Variants in PIP4K2A observed in about 807,000 individuals in gnomAD.
PIP4K2A encodes the protein phosphatidylinositol 5-phosphate 4-kinase type-2 alpha.
Under a neutral mutation model 42.9 loss-of-function variants are expected in PIP4K2A, and 14 were observed. The observed-to-expected ratio is 0.33, with a 90% confidence interval of 0.22 to 0.51. The LOEUF (loss-of-function observed/expected upper bound fraction) is 0.51, where lower values mean the gene tolerates loss of function less well. Ranked by LOEUF, PIP4K2A falls within the 20% of genes least tolerant of loss-of-function variation. The pLI, the probability that PIP4K2A is intolerant of heterozygous loss-of-function variation, is 0.97. For missense variants in PIP4K2A, 434 were observed against 519.8 expected (o/e 0.83, Z 1.61); for synonymous variants, 192 against 192.2 (o/e 1.00, Z 0.01).
chr10:22,603,222 C>T (rs1020094942), intron 3 of PIP4K2A, among the ~76,000 whole-genome samples: 5 of 152,086 alleles, frequency 3.3e-5, no homozygotes, highest in South Asian at 4.2e-4. Context: ...TCAGGAGTCA[C>T]AGTAGGGGAA....
chr10:22,539,509 T>C (rs900652624), intron 9 of PIP4K2A: 2 of 156,678 alleles, frequency 1.3e-5, no homozygotes, highest in Non-Finnish European at 1.4e-5. Context: ...GGAAGTGTCT[T>C]AAGCAGACAA....
intron 1 of PIP4K2A, among the ~76,000 whole-genome samples, chr10:22,678,543 G>T (rs1047536999): frequency 3.3e-5 from 5 of 152,088 alleles, no homozygotes; most frequent in Non-Finnish European, 5.9e-5. Flanking sequence ...AAAATAAGCT[G>T]TTGAAAGAGC....
At chr10:22,606,993 T>A (rs1449319271) in intron 3 of PIP4K2A, among the ~76,000 whole-genome samples, 1 of 152,120 alleles carries the variant, frequency 6.6e-6, no homozygotes, top group African/African-American at 2.4e-5. Context: ...ATATTTTAAA[T>A]AATTGTGTAC....
intron 1 of PIP4K2A, among the ~76,000 whole-genome samples, chr10:22,701,431 T>TA (rs2130916509): frequency 6.6e-6 from 1 of 152,296 alleles, no homozygotes; most frequent in Admixed American, 6.5e-5. Flanking sequence ...ACCACATCTA[T>TA]ACCTGGTTAT....
chr10:22,672,148 T>C (rs1839465236), intron 1 of PIP4K2A, among the ~76,000 whole-genome samples: 1 of 152,170 alleles, frequency 6.6e-6, no homozygotes, highest in Non-Finnish European at 1.5e-5. Context: ...AATAGGCAGT[T>C]ATTGTTAAAT....
At chr10:22,583,647 C>A (rs531215532) in intron 4 of PIP4K2A, among the ~76,000 whole-genome samples, 81 of 152,290 alleles carry the variant, frequency 5.3e-4, no homozygotes, top group Non-Finnish European at 1.0e-3. Flanking sequence ...TCCTCTTTTG[C>A]AGAAACAAAA....
Position 22,535,189 on chromosome 10 carries a change from GTA to G in PIP4K2A, c.*2010_*2011del, listed in dbSNP as rs1303590076. 2 of 152,220 alleles carry G rather than the reference GTA, an allele frequency of 1.3e-5. No homozygotes were observed. Among genetic ancestry groups the G allele is most frequent in the Non-Finnish European group, 2.9e-5 (2 of 68,046 alleles). The allele number at this position is 152,220 out of a possible 1,614,324, so 9.4% of individuals were successfully genotyped here. On this transcript the variant is annotated 3_prime_UTR_variant, in exon 10 of 10. Transcript: ENST00000376573. ...CCAAGGAAACAGTTACTCAAATAAT[GTA>G]TGTGTACCTTATCTTTACTTCAGGG...
rs1445496512 is a variant in PIP4K2A at position 22,541,897 on chromosome 10, C to A, written c.943G>T (p.Asp315Tyr). 1 of 1,613,600 alleles carries A rather than the reference C, an allele frequency of 6.2e-7. No individual in the cohort carries two copies. The highest frequency in any genetic ancestry group is 8.5e-7 in the Non-Finnish European group (1 of 1,179,782). The change falls in exon 8 of 10, where the codon GAT (aspartate) becomes TAT (tyrosine). Residue 315 changes from aspartate (D) to tyrosine (Y), a missense_variant. Around this residue, in one of 2 missense-constraint regions of PIP4K2A, gnomAD observed 395 missense variants for 444.5 expected, o/e 0.89. Transcript: ENST00000376573. The stretch of plus-strand genomic sequence containing the variant: ...CTGTTCAGTGTATTCCCGGGGCTAT[C>A]TGGGGGGGTTCCCACCGGGTGGGTG... ...DGTHPVGTPP[D>Y]SPGNTLNSSP...
At chr10:22,593,062 C>G (rs1008818233) in intron 3 of PIP4K2A, among the ~76,000 whole-genome samples, 1 of 152,206 alleles carries the variant, frequency 6.6e-6, no homozygotes, top group African/African-American at 2.4e-5. Flanking sequence ...TCCTTCCTTT[C>G]TAGATGAAAT....
At position 22,631,717 on chromosome 10, in the gene PIP4K2A, A is replaced by G. The variant is rs189417869; in HGVS notation, c.145-22000T>C. Among the ~76,000 whole-genome samples, 4 of 152,332 alleles carry G rather than the reference A, an allele frequency of 2.6e-5. No homozygotes were observed. In the East Asian group the frequency reaches 7.7e-4, roughly 29 times the overall value. ...GAATAATGAAAATTAAAAAATCAGC[A>G]ATTTGCAAATACCACAGTAATAACT... On this transcript the variant is annotated intron_variant, in intron 1 of 9. Transcript: ENST00000376573.
At chr10:22,576,409 C>T (rs1837123132) in intron 4 of PIP4K2A, among the ~76,000 whole-genome samples, 1 of 152,148 alleles carries the variant, frequency 6.6e-6, no homozygotes, top group Non-Finnish European at 1.5e-5. Flanking sequence ...AAACTCGTAA[C>T]ACCAGCGGGT....
Position 22,541,800 on chromosome 10 carries a change from T to G in PIP4K2A, c.1036+4A>C, listed in dbSNP as rs1182118327. 4 of 1,538,846 alleles carry G rather than the reference T, an allele frequency of 2.6e-6. No individual in the cohort carries two copies. The highest frequency in any genetic ancestry group is 1.7e-6 in the Non-Finnish European group (2 of 1,144,922). On this transcript the variant is annotated splice_donor_region_variant and intron_variant, in intron 8 of 9. Coordinates refer to ENST00000376573, the MANE Select transcript of PIP4K2A (RefSeq NM_005028.5). ...CAAAAAGGGTCCACAGTAATCAAACTTACTTTCATGGCACTTAATTCCATA... is the reference window on the plus strand; with the variant it reads ...CAAAAAGGGTCCACAGTAATCAAACGTACTTTCATGGCACTTAATTCCATA...
chr10:22,654,610 A>T (rs191254322), intron 1 of PIP4K2A, among the ~76,000 whole-genome samples: 8 of 152,296 alleles, frequency 5.3e-5, no homozygotes, highest in African/African-American at 1.4e-4. Flanking sequence ...GGTGAGTTTT[A>T]AAGTGATTCA....
At chr10:22,669,526 G>T (rs965624137) in intron 1 of PIP4K2A, among the ~76,000 whole-genome samples, 1 of 152,082 alleles carries the variant, frequency 6.6e-6, no homozygotes, top group Non-Finnish European at 1.5e-5. Context: ...AGCTATGAAA[G>T]AAAGAAGGAA....
intron 1 of PIP4K2A, among the ~76,000 whole-genome samples, chr10:22,710,839 T>C (rs1215421759): frequency 6.6e-6 from 1 of 152,256 alleles, no homozygotes; most frequent in Non-Finnish European, 1.5e-5. Flanking sequence ...ATACAGATAA[T>C]GTTTTCCTTT....
At chr10:22,581,693 C>T (rs1370327875) in intron 4 of PIP4K2A, among the ~76,000 whole-genome samples, 1 of 151,934 alleles carries the variant, frequency 6.6e-6, no homozygotes, top group Non-Finnish European at 1.5e-5. Flanking sequence ...CACATAATAG[C>T]TTCCGTTAAT....
At chr10:22,568,403 C>T (rs1276861078) in intron 5 of PIP4K2A, among the ~76,000 whole-genome samples, 2 of 81,888 alleles carry the variant, frequency 2.4e-5, no homozygotes, top group Admixed American at 1.6e-4. Context: ...TGTTTTCTCC[C>T]GTCTTAAGAG....
intron 6 of PIP4K2A, among the ~76,000 whole-genome samples, chr10:22,563,678 G>A (rs1399417378): frequency 6.6e-6 from 1 of 152,124 alleles, no homozygotes. Flanking sequence ...TTAGAAATGT[G>A]CGCTCTGGGG....
At chr10:22,555,628 T>A (rs1467624038) in intron 6 of PIP4K2A, among the ~76,000 whole-genome samples, 1 of 152,162 alleles carries the variant, frequency 6.6e-6, no homozygotes, top group African/African-American at 2.4e-5. Flanking sequence ...ACTGTACCTA[T>A]GTAATAGGGT....
Sources: gnomAD v4.1 joint callset for allele counts (sites outside exome capture counted in the v4.1 genomes callset) on GRCh38, gnomAD v4.1.1 for gene constraint, gnomAD v4.1.1 regional missense constraint, MANE v1.5 for transcripts, NCBI Gene and HGNC (gene_info 2026-07-23, HGNC 2026-07-21) for gene names.